FAM3D: variants seen among roughly 807,000 people sequenced by gnomAD.
FAM3D encodes FAM3 metabolism regulating signaling molecule D.
FAM3D carries 26 observed loss-of-function variants against 29.8 expected under a neutral mutation model. The observed-to-expected ratio is 0.87, with a 90% CI of 0.64 to 1.21. FAM3D has a LOEUF of 1.21. FAM3D is among the 50% of genes most tolerant of loss of function. FAM3D has a pLI of 0.00. For synonymous variants in FAM3D, 115 were observed against 102.3 expected, an observed-to-expected ratio of 1.12 and a Z score of -0.75; for missense variants, 253 against 290.9, an observed-to-expected ratio of 0.87 and a Z score of 0.95.
In FAM3D at chr3:58,656,017, CATCT is replaced by C. The variant is rs575610043; in HGVS notation, c.-38-420_-38-417del. The stretch of plus-strand genomic sequence containing the variant: ...TCCTCTATCTGTTCACTTTTCCATC[CATCT>C]GTCTATCCTCTATCTACCTGTCCAT... On this transcript the variant is annotated intron_variant, in intron 1 of 9. Coordinates refer to ENST00000358781, the MANE Select transcript of FAM3D (RefSeq NM_138805.3). 1.7e-4 allele frequency among the ~76,000 whole-genome samples: 26 copies of C among 152,228 alleles called. No homozygotes were observed. In the East Asian group the frequency reaches 4.3e-3, roughly 25 times the overall value.
chr3:58,636,427 A>G lies in FAM3D; in HGVS notation c.459-7T>C, dbSNP rs1299397165. 2 of 1,613,914 alleles carry G rather than the reference A, an allele frequency of 1.2e-6. No homozygotes were observed. The highest frequency in any genetic ancestry group is 1.7e-5 in the Admixed American group (1 of 60,020). On this transcript the variant is annotated splice_polypyrimidine_tract_variant and splice_region_variant and intron_variant, in intron 8 of 9. Coordinates refer to ENST00000358781, the MANE Select transcript of FAM3D (RefSeq NM_138805.3). ...CCTGCTTTCATCGTTCATTCTGCAG[A>G]GGACCAGAGAGGATGGTCAGGATGC...
intron 3 of FAM3D, among the ~76,000 whole-genome samples, chr3:58,652,912 C>T (rs1280573564): frequency 6.6e-6 from 1 of 151,956 alleles, no homozygotes; most frequent in Admixed American, 6.6e-5. Context: ...ATCTACCCAT[C>T]CATCCATCTA....
At chr3:58,665,554 T>G (rs4681893) in intron 1 of FAM3D, among the ~76,000 whole-genome samples, 145,816 of 152,222 alleles carry the variant, frequency 0.96, 70,183 homozygotes, top group East Asian at 1. Flanking sequence ...ATTGTGTCTT[T>G]TTTACCTGAC....
At chr3:58,662,728 T>C (rs949178373) in intron 1 of FAM3D, among the ~76,000 whole-genome samples, 1 of 152,150 alleles carries the variant, frequency 6.6e-6, no homozygotes, top group East Asian at 1.9e-4. Flanking sequence ...TAATTTTCCT[T>C]TGGGAATCAA....
chr3:58,641,322 G>A (rs984443544), intron 6 of FAM3D, among the ~76,000 whole-genome samples: 8 of 152,186 alleles, frequency 5.3e-5, no homozygotes, highest in Admixed American at 2.0e-4. Context: ...AGGTTCAAAC[G>A]TAGGTGGTTT....
chr3:58,652,797 C>A (rs1437535689), intron 3 of FAM3D, among the ~76,000 whole-genome samples: 1 of 151,416 alleles, frequency 6.6e-6, no homozygotes, highest in Non-Finnish European at 1.5e-5. Flanking sequence ...ATCCAACCAT[C>A]CATTTATCTA....
At chr3:58,652,275 C>T (rs1489486699) in intron 3 of FAM3D, among the ~76,000 whole-genome samples, 2 of 152,192 alleles carry the variant, frequency 1.3e-5, no homozygotes, top group Non-Finnish European at 2.9e-5. Flanking sequence ...GAGTCCATTC[C>T]ACAACCACAC....
At chr3:58,655,398 G>C (rs1205409882) in intron 2 of FAM3D, among the ~76,000 whole-genome samples, 153 bp downstream of exon 2, 1 of 152,178 alleles carries the variant, frequency 6.6e-6, no homozygotes, top group African/African-American at 2.4e-5. Context: ...ACAGGAAGTC[G>C]CCTCTTCTAC....
intron 1 of FAM3D, among the ~76,000 whole-genome samples, chr3:58,655,823 T>C (rs554981768): frequency 2.6e-5 from 4 of 152,332 alleles, no homozygotes; most frequent in Admixed American, 2.6e-4. Context: ...TTCTCCATGT[T>C]TTTTTGAAGT....
intron 1 of FAM3D, among the ~76,000 whole-genome samples, chr3:58,663,523 C>T (rs1468281187): frequency 6.6e-6 from 1 of 152,164 alleles, no homozygotes; most frequent in African/African-American, 2.4e-5. Flanking sequence ...AAAGTCCTAC[C>T]TGATACATGA....
intron 3 of FAM3D, among the ~76,000 whole-genome samples, chr3:58,653,000 A>G (rs1365473968): frequency 6.7e-6 from 1 of 150,320 alleles, no homozygotes; most frequent in Non-Finnish European, 1.5e-5. Flanking sequence ...TCACTCATCA[A>G]ATGTTTACTA....
chr3:58,652,944 CCATCCACCCACCCATT>C, intron 3 of FAM3D, among the ~76,000 whole-genome samples: 1 of 150,308 alleles, frequency 6.7e-6, no homozygotes, highest in Non-Finnish European at 1.5e-5. Flanking sequence ...AACTACCCAT[CCATCCACCCACCCATT>C]TATCCATCCA....
intron 1 of FAM3D, among the ~76,000 whole-genome samples, chr3:58,664,267 G>A (rs12489751): frequency 0.66 from 99,805 of 152,158 alleles, 34,869 homozygotes; most frequent in East Asian, 0.85. Flanking sequence ...CTCCATATGC[G>A]TTGCCCAGTT....
chr3:58,643,411 C>T (rs182947300), intron 6 of FAM3D, among the ~76,000 whole-genome samples: 3 of 152,318 alleles, frequency 2.0e-5, no homozygotes, highest in Admixed American at 2.0e-4. Flanking sequence ...CACTCATGTT[C>T]CATAGGAGAA....
At chr3:58,664,231 G>A (rs975212137) in intron 1 of FAM3D, among the ~76,000 whole-genome samples, 1 of 152,208 alleles carries the variant, frequency 6.6e-6, no homozygotes, top group Non-Finnish European at 1.5e-5. Context: ...ACAGTACTTG[G>A]CACCATTCTA....
intron 7 of FAM3D, among the ~76,000 whole-genome samples, chr3:58,638,168 G>A (rs1312681797): frequency 6.6e-6 from 1 of 152,186 alleles, no homozygotes; most frequent in African/African-American, 2.4e-5. Flanking sequence ...ACAGGCATAA[G>A]CCACTGTCCC....
At position 58,645,504 on chromosome 3, in the gene FAM3D, C is replaced by A. The variant is rs1316174855; in HGVS notation, c.263+5G>T. The stretch of plus-strand genomic sequence containing the variant: ...AATAAACATAGTTGTGTCTTAGGTA[C>A]TTACATGCGGTCTTCAAAGCACATA... On this transcript the variant is annotated splice_donor_5th_base_variant and intron_variant, in intron 5 of 9. Coordinates refer to ENST00000358781, the MANE Select transcript of FAM3D (RefSeq NM_138805.3). 1.9e-6 allele frequency: 3 copies of A among 1,602,038 alleles called. No homozygotes were observed. Among genetic ancestry groups the A allele is most frequent in the Admixed American group, 3.4e-5 (2 of 58,954 alleles).
At chr3:58,660,046 G>A (rs2066902098) in intron 1 of FAM3D, among the ~76,000 whole-genome samples, 1 of 152,248 alleles carries the variant, frequency 6.6e-6, no homozygotes. Context: ...CTTCATAGCA[G>A]GGGGTGAATT....
At chr3:58,650,504 C>T (rs1433359904) in intron 3 of FAM3D, among the ~76,000 whole-genome samples, 1 of 152,070 alleles carries the variant, frequency 6.6e-6, no homozygotes, top group Non-Finnish European at 1.5e-5. Context: ...AGAGAGAAAG[C>T]TGCCCATGGA....
Sources: allele counts gnomAD v4.1 joint callset (sites outside exome capture counted in the v4.1 genomes callset), GRCh38; gene constraint gnomAD v4.1.1; transcripts MANE v1.5; gene names NCBI Gene and HGNC (gene_info 2026-07-23, HGNC 2026-07-21).